ISCA1: variants seen among roughly 807,000 people sequenced by gnomAD.
The protein encoded by ISCA1 is iron-sulfur cluster assembly 1 homolog, mitochondrial.
Under a neutral mutation model 14.7 loss-of-function variants are expected in ISCA1, and 9 were observed. The ratio of observed to expected loss-of-function variants is 0.61; its 90% CI spans 0.37 to 1.07. The LOEUF is 1.07. Ranked by LOEUF, ISCA1 falls within the 50% of genes least tolerant of loss-of-function variation. The probability of loss-of-function intolerance (pLI) is 0.01; values close to 1 mark genes in which losing one functional copy is unlikely to be tolerated. For missense variants in ISCA1, 102 were observed against 150.1 expected (o/e 0.68, Z 1.67); for synonymous variants, 38 against 54.3 (o/e 0.70, Z 1.32).
chr9:86,271,388 A>C (rs1005748575), intron 3 of ISCA1, among the ~76,000 whole-genome samples: 1 of 152,188 alleles, frequency 6.6e-6, no homozygotes, highest in African/African-American at 2.4e-5. Context: ...ATTTCTCAGA[A>C]TGTATCTCCA....
rs1330173365 is a variant in ISCA1 at position 86,282,467 on chromosome 9, TCCCGGCGC to T, written c.-17_-10del. The T allele has an allele frequency of 6.4e-7, 1 of 1,551,496 alleles. No homozygotes were observed. The highest frequency in any genetic ancestry group is 8.7e-7 in the Non-Finnish European group (1 of 1,147,630). On this transcript the variant is annotated 5_prime_UTR_variant, in exon 1 of 4. Transcript: ENST00000375991. Reference sequence around the variant, plus strand: ...ACTAAGGAAGCCGACATCTTCGCCGTCCCGGCGCCCCGGTGCCTCGGGCCGAAGGTCGG... The same window carrying T: ...ACTAAGGAAGCCGACATCTTCGCCGTCCCGGTGCCTCGGGCCGAAGGTCGG...
intron 3 of ISCA1, chr9:86,267,297 T>C (rs1188863412): frequency 2.4e-6 from 2 of 819,038 alleles, no homozygotes; most frequent in Non-Finnish European, 1.5e-6. Context: ...TAGCTAAATA[T>C]AAACAATATA....
intron 1 of ISCA1, among the ~76,000 whole-genome samples, chr9:86,280,483 C>T (rs1298115676): frequency 6.6e-6 from 1 of 151,236 alleles, no homozygotes; most frequent in Non-Finnish European, 1.5e-5. Context: ...GTAATCCCAG[C>T]TACTCAGGAG....
chr9:86,280,594 C>CAGAAA (rs765329285), intron 1 of ISCA1, among the ~76,000 whole-genome samples: 1 of 97,882 alleles, frequency 1.0e-5, no homozygotes, highest in African/African-American at 3.8e-5. Context: ...AACCCTGTCT[C>CAGAAA]AAAAAAAAAA....
At chr9:86,279,727 C>G (rs1047048931) in intron 1 of ISCA1, among the ~76,000 whole-genome samples, 2 of 152,194 alleles carry the variant, frequency 1.3e-5, no homozygotes, top group Admixed American at 1.3e-4. Flanking sequence ...TACTGAATTA[C>G]GTATACTTTT....
At chr9:86,279,771 CT>C (rs938930055) in intron 1 of ISCA1, among the ~76,000 whole-genome samples, 1 of 152,166 alleles carries the variant, frequency 6.6e-6, no homozygotes, top group African/African-American at 2.4e-5. Flanking sequence ...TTCATTAGGC[CT>C]TTGACGGCAT....
intron 1 of ISCA1, among the ~76,000 whole-genome samples, chr9:86,276,677 C>G (rs949090431): frequency 6.6e-6 from 1 of 151,830 alleles, no homozygotes; most frequent in Non-Finnish European, 1.5e-5. Context: ...TTGAGACCAG[C>G]CTGGCCAACA....
At chr9:86,270,080 A>C in intron 3 of ISCA1, among the ~76,000 whole-genome samples, 1 of 151,192 alleles carries the variant, frequency 6.6e-6, no homozygotes, top group African/African-American at 2.4e-5. Context: ...ACAGAAGCCA[A>C]AATTGACAAA....
chr9:86,275,229 C>T lies in ISCA1; in HGVS notation c.82-987G>A, dbSNP rs552002489. On this transcript the variant is annotated intron_variant, in intron 1 of 3. Transcript: ENST00000375991. Reference sequence around the variant, plus strand: ...AAGTATTATTATGATTATGAGAGTACATCATAATGAAGACATTATGTGCGT... The same window carrying T: ...AAGTATTATTATGATTATGAGAGTATATCATAATGAAGACATTATGTGCGT... Among the ~76,000 whole-genome samples, 7 of 152,334 alleles carry T rather than the reference C, an allele frequency of 4.6e-5. No individual in the cohort carries two copies. The East Asian group carries it at 7.7e-4, about 17-fold the overall frequency.
At chr9:86,282,300 C>T in intron 1 of ISCA1, 78 bp downstream of exon 1, 3 of 1,456,616 alleles carry the variant, frequency 2.1e-6, no homozygotes, top group Non-Finnish European at 2.8e-6. Context: ...GGCCCCACTC[C>T]CGGCCGCCGT....
intron 1 of ISCA1, among the ~76,000 whole-genome samples, chr9:86,281,131 C>G (rs939342619): frequency 1.3e-5 from 2 of 152,102 alleles, no homozygotes; most frequent in African/African-American, 4.8e-5. Flanking sequence ...GAGTTGTGCC[C>G]TCTAGTTCTT....
intron 1 of ISCA1, among the ~76,000 whole-genome samples, chr9:86,281,283 A>T (rs768278135): frequency 2.6e-4 from 39 of 152,248 alleles, no homozygotes; most frequent in Non-Finnish European, 5.1e-4. Flanking sequence ...TAAAAAATTG[A>T]TTATAAAAAT....
At chr9:86,275,263 CT>C (rs1257800818) in intron 1 of ISCA1, among the ~76,000 whole-genome samples, 1 of 152,262 alleles carries the variant, frequency 6.6e-6, no homozygotes, top group African/African-American at 2.4e-5. Context: ...GTCCTTCCTA[CT>C]TTATCAGCTC....
rs978251744 is a variant in ISCA1 at position 86,272,086 on chromosome 9, G to C, written c.162C>G (p.Thr54=). 1.4e-5 allele frequency: 22 copies of C among 1,604,022 alleles called. No individual in the cohort carries two copies. The highest frequency in any genetic ancestry group is 1.9e-5 in the Non-Finnish European group (22 of 1,171,326). Residue 54 remains threonine, a synonymous_variant, in exon 3 of 4, where the codon ACC becomes ACG. Coordinates refer to ENST00000375991, the MANE Select transcript of ISCA1 (RefSeq NM_030940.4). ...TATAAGAAAGGCCATTACAGCCCCT[G>C]GTTCGGACACCAACTTTTACACCTA... is the stretch of plus-strand genomic sequence containing the variant. ...EHVGVKVGVR[T]RGCNGLSYTL...
Position 86,282,162 on chromosome 9 carries a change from C to CA in ISCA1, c.81+215_81+216insT, listed in dbSNP as rs1825527366. 6 of 574,168 alleles carry CA rather than the reference C, an allele frequency of 1.0e-5. No homozygotes were observed. The East Asian group carries it at 1.9e-4, about 18-fold the overall frequency. 35.6% of individuals were successfully genotyped at this position (574,168 alleles called of 1,614,324 possible). ...GCGGCCTGACGGGAAACGTAGTTTC[C>CA]GGGGCCAAGAGAGCAGCCCCGCCCG... On this transcript the variant is annotated intron_variant, in intron 1 of 3. Coordinates refer to ENST00000375991, the MANE Select transcript of ISCA1 (RefSeq NM_030940.4).
intron 1 of ISCA1, among the ~76,000 whole-genome samples, chr9:86,276,661 A>G (rs755704088): frequency 6.6e-6 from 1 of 152,088 alleles, no homozygotes; most frequent in Non-Finnish European, 1.5e-5. Flanking sequence ...ACTTGAAGTC[A>G]GGAGTTTGAG....
chr9:86,276,336 ACCT>A (rs1303471976), intron 1 of ISCA1, among the ~76,000 whole-genome samples: 1 of 151,646 alleles, frequency 6.6e-6, no homozygotes, highest in East Asian at 1.9e-4. Flanking sequence ...TGCTGCTCTC[ACCT>A]CCTGCTGTGA....
chr9:86,282,367 C>A lies in ISCA1; in HGVS notation c.81+11G>T, dbSNP rs1157038053. The A allele has an allele frequency of 6.5e-7, 1 of 1,540,024 alleles. No homozygotes were observed. Among genetic ancestry groups the A allele is most frequent in the Non-Finnish European group, 8.8e-7 (1 of 1,139,586 alleles). ...ATGTCACGGGCCCCGCCGCGCGCCG[C>A]GAGCACTCACCAGGGTGAGGGCTGC... On this transcript the variant is annotated intron_variant, in intron 1 of 3. Transcript: ENST00000375991.
At chr9:86,281,855 C>G (rs1825520813) in intron 1 of ISCA1, 1 of 154,142 alleles carries the variant, frequency 6.5e-6, no homozygotes, top group Non-Finnish European at 1.4e-5. Context: ...GCGCCGCGGC[C>G]GTGACCTCGG....
Sources: gnomAD v4.1 joint callset for allele counts (sites outside exome capture counted in the v4.1 genomes callset) on GRCh38, gnomAD v4.1.1 for gene constraint, MANE v1.5 for transcripts, NCBI Gene and HGNC (gene_info 2026-07-23, HGNC 2026-07-21) for gene names.